RHNO1: variants seen among roughly 807,000 people sequenced by gnomAD.
RHNO1 encodes the protein RAD9, HUS1, RAD1-interacting nuclear orphan protein 1.
In RHNO1, 9 loss-of-function variants were observed where a neutral mutation model predicts 7.2. That is an observed-to-expected ratio of 1.25 (90% CI 0.75 to 2.18). The LOEUF is 2.18. Among genes scored for constraint, RHNO1 ranks in the 30% most tolerant of loss-of-function variants. RHNO1 has a pLI of 0.00. For missense variants in RHNO1, 292 were observed against 284.5 expected (o/e 1.03, Z -0.19); for synonymous variants, 95 against 107.5 (o/e 0.88, Z 0.72).
Position 2,887,914 on chromosome 12 carries a change from TCACC to T in RHNO1, c.173_176del (p.Ser58LeufsTer36). On this transcript the variant is annotated frameshift_variant, in exon 3 of 3. Coordinates refer to ENST00000489288, the MANE Select transcript of RHNO1 (RefSeq NM_001252499.3). LOFTEE classifies it low-confidence loss of function (END_TRUNC). ...TCACTTTTTTTTTTTTTTTAAGGTA[TCACC>T]TGATTTTGATACAGCAGCAGGAAGC... is the stretch of plus-strand genomic sequence containing the variant. 1 of 1,558,634 alleles carries T rather than the reference TCACC, an allele frequency of 6.4e-7. No individual in the cohort carries two copies. The highest frequency in any genetic ancestry group is 1.2e-5 in the South Asian group (1 of 82,218).
In RHNO1 at chr12:2,888,537, TTTG is replaced by T; in HGVS notation, c.*81_*83del. On this transcript the variant is annotated 3_prime_UTR_variant, in exon 3 of 3. Transcript: ENST00000489288. ...GAATTCAATTCCTAGGGTTTTTGTT[TTTG>T]TTTTTGAGATGTAATATTGCTCTGT... 1 of 1,358,838 alleles carries T rather than the reference TTTG, an allele frequency of 7.4e-7. No individual in the cohort carries two copies. The highest frequency in any genetic ancestry group is 9.8e-7 in the Non-Finnish European group (1 of 1,020,426). 84.2% of individuals were successfully genotyped at this position (1,358,838 alleles called of 1,614,324 possible).
At chr12:2,881,341 A>G (rs781640283) in intron 1 of RHNO1, among the ~76,000 whole-genome samples, 3 of 151,880 alleles carry the variant, frequency 2.0e-5, no homozygotes, top group Non-Finnish European at 2.9e-5. Flanking sequence ...GACTTCAAGT[A>G]ATCTGCCCGC....
At chr12:2,883,505 ATATATATTTTTTTTTTTT>A (rs1164638335) in intron 1 of RHNO1, among the ~76,000 whole-genome samples, 1 of 31,920 alleles carries the variant, frequency 3.1e-5, no homozygotes, top group African/African-American at 1.7e-4. Flanking sequence ...ATATATATAT[ATATATATTTTTTTTTTTT>A]TTTTTTTTTT....
intron 1 of RHNO1, among the ~76,000 whole-genome samples, chr12:2,880,042 G>T (rs2098155421): frequency 6.6e-6 from 1 of 152,230 alleles, no homozygotes; most frequent in African/African-American, 2.4e-5. Flanking sequence ...TGGGCAGGGT[G>T]TGGTGATTCA....
chr12:2,885,412 C>G lies in RHNO1; in HGVS notation c.46C>G (p.Leu16Val), dbSNP rs138375075. The change falls in exon 2 of 3, where the codon CTG becomes GTG. Residue 16 changes from leucine (L) to valine (V), a missense_variant. Leu to Val is a conservative substitution (Grantham distance 32, BLOSUM62 1). Transcript: ENST00000489288. ...CCGCCAGCCTTCCCAGAAAGCCCCG[C>G]TGCTGTTCCACCAACAACCACTGGA... ...KRRQPSQKAP[L>V]LFHQQPLEGP... is the part of the protein sequence containing the mutation. The G allele has an allele frequency of 4.2e-3, 6,706 of 1,614,024 alleles. 25 individuals carry two copies. The highest frequency in any genetic ancestry group is 5.0e-3 in the Non-Finnish European group (5,850 of 1,179,994).
Position 2,888,472 on chromosome 12 carries a change from A to C in RHNO1, c.*13A>C. 6.5e-7 allele frequency: 1 copy of C among 1,539,682 alleles called. No individual in the cohort carries two copies. The highest frequency in any genetic ancestry group is 1.3e-5 in the South Asian group (1 of 79,114). On this transcript the variant is annotated 3_prime_UTR_variant, in exon 3 of 3. Transcript: ENST00000489288. ...TGTGAAAAGCTGACTGCCATCAGTA[A>C]TCTCAATAGAAAAGAGATATGTTTT... is the stretch of plus-strand genomic sequence containing the variant.
In RHNO1 at chr12:2,888,208, G is replaced by C; in HGVS notation, c.466G>C (p.Asp156His). The change falls in exon 3 of 3, where the codon GAT becomes CAT. Residue 156 changes from aspartate (D) to histidine (H), a missense_variant. Transcript: ENST00000489288. ...QSLPYVFIPP[D>H]IQTPESSSVK... Reference sequence around the variant, plus strand: ...CTTACCTTATGTGTTCATTCCACCTGATATCCAGACCCCAGAGTCATCGTC... The same window carrying C: ...CTTACCTTATGTGTTCATTCCACCTCATATCCAGACCCCAGAGTCATCGTC... 1 of 1,614,102 alleles carries C rather than the reference G, an allele frequency of 6.2e-7. No individual in the cohort carries two copies. Among genetic ancestry groups the C allele is most frequent in the Non-Finnish European group, 8.5e-7 (1 of 1,180,026 alleles).
chr12:2,881,692 G>A (rs1479214013), intron 1 of RHNO1, among the ~76,000 whole-genome samples: 1 of 151,314 alleles, frequency 6.6e-6, no homozygotes, highest in East Asian at 2.0e-4. Context: ...GGATCACGAG[G>A]TCAGGAGTTC....
rs750091697 is a variant in RHNO1 at position 2,888,287 on chromosome 12, G to A, written c.545G>A (p.Cys182Tyr). The change falls in exon 3 of 3, where the codon TGC becomes TAC. Residue 182 changes from cysteine (C) to tyrosine (Y), a missense_variant. Cys to Tyr is a radical substitution (Grantham distance 194). Transcript: ENST00000489288. ...QDQKENSLLS[C>Y]TLHTGTPNSP... is the part of the protein sequence containing the mutation. ...CAGAAGGAAAACAGCCTTCTAAGCT[G>A]CACTCTTCACACTGGCACTCCTAAT... The A allele has an allele frequency of 6.2e-7, 1 of 1,614,102 alleles. No homozygotes were observed. The highest frequency in any genetic ancestry group is 1.1e-5 in the South Asian group (1 of 91,086).
At chr12:2,881,125 C>G (rs988760285) in intron 1 of RHNO1, among the ~76,000 whole-genome samples, 5 of 151,940 alleles carry the variant, frequency 3.3e-5, no homozygotes, top group African/African-American at 1.2e-4. Flanking sequence ...GTTTTCTAGA[C>G]TGAATCTCGC....
chr12:2,882,962 GA>G, intron 1 of RHNO1, among the ~76,000 whole-genome samples: 1 of 151,388 alleles, frequency 6.6e-6, no homozygotes, highest in Non-Finnish European at 1.5e-5. Context: ...AGCTACTCAG[GA>G]AGCTGATGTG....
chr12:2,884,672 AT>A (rs796965997), intron 1 of RHNO1, among the ~76,000 whole-genome samples: 2,533 of 146,220 alleles, frequency 0.017, 67 homozygotes, highest in African/African-American at 0.057. Context: ...CATGTCACCT[AT>A]TTTTTTTTTT....
intron 1 of RHNO1, among the ~76,000 whole-genome samples, chr12:2,883,455 TC>T (rs1435100484): frequency 6.0e-5 from 8 of 133,788 alleles, no homozygotes; most frequent in Non-Finnish European, 3.2e-5. Flanking sequence ...ATTTGTTTAG[TC>T]ATATTAATGG....
intron 1 of RHNO1, among the ~76,000 whole-genome samples, chr12:2,880,819 A>G (rs1416016423): frequency 6.6e-6 from 1 of 151,924 alleles, no homozygotes; most frequent in Non-Finnish European, 1.5e-5. Context: ...TTAAATTTGT[A>G]GTAGAGACGA....
chr12:2,876,675 C>T (rs528554260), upstream of RHNO1, among the ~76,000 whole-genome samples: 1 of 152,248 alleles, frequency 6.6e-6, no homozygotes, highest in East Asian at 1.9e-4. Flanking sequence ...CCCGAGGCCG[C>T]GGGCAGGGTG....
chr12:2,883,417 A>G (rs2098160781), intron 1 of RHNO1, among the ~76,000 whole-genome samples: 2 of 143,926 alleles, frequency 1.4e-5, no homozygotes, highest in African/African-American at 2.5e-5. Context: ...GGCTGGCTGG[A>G]TATTTGTTAA....
rs576380611 is a variant in RHNO1 at position 2,880,831 on chromosome 12, G to T, written c.-85+3549G>T. 2.6e-5 allele frequency among the ~76,000 whole-genome samples: 4 copies of T among 151,974 alleles called. No homozygotes were observed. The East Asian group carries it at 5.8e-4, about 22-fold the overall frequency. On this transcript the variant is annotated intron_variant, in intron 1 of 2. Transcript: ENST00000489288. ...CTTTTAAATTTGTAGTAGAGACGAG[G>T]TCTCTCTATGTTGCCCAGGCTGGTC...
At position 2,888,349 on chromosome 12, in the gene RHNO1, C is replaced by T; in HGVS notation, c.607C>T (p.Pro203Ser). Residue 203 changes from proline (P) to serine (S), a missense_variant, in exon 3 of 3, where the codon CCC becomes TCC. Coordinates refer to ENST00000489288, the MANE Select transcript of RHNO1 (RefSeq NM_001252499.3). ...EPGPVLVKDT[P>S]EDKYGIKVTW... ...TGGACCTGTTCTGGTTAAAGACACC[C>T]CCGAGGACAAGTATGGAATAAAGGT... is the stretch of plus-strand genomic sequence containing the variant. 6.2e-7 allele frequency: 1 copy of T among 1,614,120 alleles called. No homozygotes were observed. Among genetic ancestry groups the T allele is most frequent in the East Asian group, 2.2e-5 (1 of 44,884 alleles).
Position 2,877,267 on chromosome 12 carries a change from C to T in RHNO1, c.-100C>T, listed in dbSNP as rs1023948182. 6.6e-6 allele frequency: 1 copy of T among 152,236 alleles called. No individual in the cohort carries two copies. The allele number at this position is 152,236 out of a possible 1,614,324, so 9.4% of individuals were successfully genotyped here. On this transcript the variant is annotated 5_prime_UTR_variant, in exon 1 of 3. Transcript: ENST00000489288. ...TGCGGTCTGCCAGGAGCTGCGGCCC[C>T]GTCCGGCCCGGGCTGGTAAGGCGGA...
Sources: allele counts gnomAD v4.1 joint callset (sites outside exome capture counted in the v4.1 genomes callset), GRCh38; gene constraint gnomAD v4.1.1; transcripts MANE v1.5; gene names NCBI Gene and HGNC (gene_info 2026-07-23, HGNC 2026-07-21).